CACNA2D1: variants seen among roughly 807,000 people sequenced by gnomAD.
CACNA2D1 encodes calcium voltage-gated channel auxiliary subunit alpha2delta 1.
Under a neutral mutation model 171.5 loss-of-function variants are expected in CACNA2D1, and 53 were observed. The observed-to-expected ratio is 0.31, with a 90% confidence interval of 0.25 to 0.39. The LOEUF is 0.39. Ranked by LOEUF, CACNA2D1 falls within the 10% of genes least tolerant of loss-of-function variation. The probability of loss-of-function intolerance (pLI) is 1.00; values close to 1 mark genes in which losing one functional copy is unlikely to be tolerated. For synonymous variants in CACNA2D1, 442 were observed against 443.1 expected (o/e 1.00, Z 0.03); for missense variants, 903 against 1,299.8 (o/e 0.69, Z 4.69).
At chr7:82,161,822 A>G (rs1291418988) in intron 4 of CACNA2D1, among the ~76,000 whole-genome samples, 1 of 152,074 alleles carries the variant, frequency 6.6e-6, no homozygotes, top group East Asian at 1.9e-4. Context: ...TGTAAATCCA[A>G]CAATATGGAT....
rs1427434749 is a variant in CACNA2D1 at position 82,256,992 on chromosome 7, G to C, written c.294+78143C>G. On this transcript the variant is annotated intron_variant, in intron 3 of 38. Coordinates refer to ENST00000356860, the MANE Select transcript of CACNA2D1 (RefSeq NM_000722.4). ...ATGTGCTGAGATTTCATTAGAGATG[G>C]TATCAATGGTGAGGATGGCAGGAAC... 2.0e-5 allele frequency among the ~76,000 whole-genome samples: 3 copies of C among 152,106 alleles called. No homozygotes were observed. In the South Asian group the frequency reaches 6.2e-4, roughly 32 times the overall value.
At chr7:82,036,575 C>G (rs981131940) in intron 11 of CACNA2D1, among the ~76,000 whole-genome samples, 2 of 152,144 alleles carry the variant, frequency 1.3e-5, no homozygotes, top group African/African-American at 2.4e-5. Flanking sequence ...CCAGGGAACA[C>G]GCTAAATATC....
intron 6 of CACNA2D1, among the ~76,000 whole-genome samples, chr7:82,102,647 G>T (rs898449784): frequency 6.6e-6 from 1 of 152,082 alleles, no homozygotes; most frequent in African/African-American, 2.4e-5. Context: ...TTCATTCAAC[G>T]AAGGAACTTA....
chr7:82,090,591 A>C (rs1233227879), intron 6 of CACNA2D1, among the ~76,000 whole-genome samples: 1 of 152,054 alleles, frequency 6.6e-6, no homozygotes, highest in Non-Finnish European at 1.5e-5. Flanking sequence ...TTTATATTTA[A>C]GACAGTATAT....
At chr7:82,135,270 A>G (rs1193500261) in intron 5 of CACNA2D1, among the ~76,000 whole-genome samples, 1 of 152,058 alleles carries the variant, frequency 6.6e-6, no homozygotes, top group Non-Finnish European at 1.5e-5. Context: ...ATATTTTTAA[A>G]TAAGTTTAAA....
intron 1 of CACNA2D1, chr7:82,410,378 A>G (rs1301064948): frequency 1.3e-5 from 4 of 315,976 alleles, no homozygotes; most frequent in Non-Finnish European, 1.8e-5. Context: ...CGGTTTACCT[A>G]ATCCATTTTT....
chr7:82,358,533 C>G (rs919687260), intron 1 of CACNA2D1, among the ~76,000 whole-genome samples: 1 of 152,086 alleles, frequency 6.6e-6, no homozygotes, highest in Non-Finnish European at 1.5e-5. Context: ...CCATTTTTGA[C>G]TAGAGTAATC....
At chr7:81,985,101 G>GAC (rs2130671689) in intron 21 of CACNA2D1, among the ~76,000 whole-genome samples, 1 of 151,614 alleles carries the variant, frequency 6.6e-6, no homozygotes, top group Non-Finnish European at 1.5e-5. Context: ...ATACCATTTG[G>GAC]ACACACTTCC....
At position 82,164,468 on chromosome 7, in the gene CACNA2D1, A is replaced by T. The variant is rs113071885; in HGVS notation, c.354+6082T>A. Among the ~76,000 whole-genome samples, 576 of 152,152 alleles carry T rather than the reference A, an allele frequency of 3.8e-3. 6 individuals are homozygous for T. Among genetic ancestry groups the T allele is most frequent in the African/African-American group, 0.013 (543 of 41,550 alleles). ...ATTGGTTGATCAAAAATATGAAGAA[A>T]TTGGAGAAAGAAGAAATTTCTAGGC... On this transcript the variant is annotated intron_variant, in intron 4 of 38. Coordinates refer to ENST00000356860, the MANE Select transcript of CACNA2D1 (RefSeq NM_000722.4).
chr7:82,318,379 TA>T (rs1464620226), intron 3 of CACNA2D1, among the ~76,000 whole-genome samples: 1 of 152,094 alleles, frequency 6.6e-6, no homozygotes, highest in East Asian at 1.9e-4. Flanking sequence ...CACTTATGAG[TA>T]TAAAAGCCCC....
intron 3 of CACNA2D1, among the ~76,000 whole-genome samples, chr7:82,304,216 A>C (rs568685784): frequency 6.6e-6 from 1 of 152,286 alleles, no homozygotes; most frequent in Admixed American, 6.5e-5. Context: ...AATGTAGAGA[A>C]AAGAGAACTC....
chr7:82,275,030 ATT>A, intron 3 of CACNA2D1, among the ~76,000 whole-genome samples: 1 of 152,060 alleles, frequency 6.6e-6, no homozygotes, highest in South Asian at 2.1e-4. Flanking sequence ...CTGAGTGAAA[ATT>A]ATTTGCTCAT....
chr7:82,346,626 A>T (rs1326547063), intron 2 of CACNA2D1, among the ~76,000 whole-genome samples: 1 of 152,158 alleles, frequency 6.6e-6, no homozygotes, highest in Non-Finnish European at 1.5e-5. Context: ...TGTGCTATCA[A>T]CAGAAATGGG....
intron 10 of CACNA2D1, among the ~76,000 whole-genome samples, chr7:82,057,480 TCAGGGTCC>T (rs1806063553): frequency 6.6e-6 from 1 of 151,996 alleles, no homozygotes; most frequent in Admixed American, 6.6e-5. Context: ...AGTGCTCCTA[TCAGGGTCC>T]CAGAAAGAAT....
intron 6 of CACNA2D1, among the ~76,000 whole-genome samples, chr7:82,092,713 A>G (rs1395263526): frequency 3.3e-5 from 5 of 151,786 alleles, no homozygotes; most frequent in Admixed American, 3.3e-4. Flanking sequence ...CATTTTTATG[A>G]GAAATTTTAG....
chr7:82,238,048 T>C (rs776023595), intron 3 of CACNA2D1, among the ~76,000 whole-genome samples: 7 of 151,990 alleles, frequency 4.6e-5, no homozygotes, highest in Non-Finnish European at 8.8e-5. Flanking sequence ...ATCTTACATG[T>C]TAAATAAAAT....
At position 82,105,398 on chromosome 7, in the gene CACNA2D1, C is replaced by CTTTTTT. The variant is rs572031121; in HGVS notation, c.526+11640_526+11645dup. ...GAAAATTAATCAAACCAGTTTTTGT[C>CTTTTTT]TTTTTTTTTTTTTTTTTTTTTTTTA... On this transcript the variant is annotated intron_variant, in intron 6 of 38. Transcript: ENST00000356860. Among the ~76,000 whole-genome samples the CTTTTTT allele has an allele frequency of 1.9e-4, 19 of 99,472 alleles. 1 individual carries two copies. Among genetic ancestry groups the CTTTTTT allele is most frequent in the East Asian group, 6.6e-4 (2 of 3,028 alleles). 65.3% of individuals were successfully genotyped at this position (99,472 alleles called of 152,430 possible).
chr7:82,151,036 C>T (rs1011271267), intron 4 of CACNA2D1, among the ~76,000 whole-genome samples: 2 of 152,072 alleles, frequency 1.3e-5, no homozygotes, highest in Admixed American at 6.5e-5. Context: ...GATAACCTGT[C>T]TTTAGTTAAA....
intron 3 of CACNA2D1, among the ~76,000 whole-genome samples, chr7:82,309,339 G>C (rs1319294438): frequency 6.6e-6 from 1 of 152,046 alleles, no homozygotes; most frequent in Middle Eastern, 3.2e-3. Context: ...CTGGGAGGTG[G>C]GGGTTGCAGT....
Sources: allele counts gnomAD v4.1 joint callset (sites outside exome capture counted in the v4.1 genomes callset), GRCh38; gene constraint gnomAD v4.1.1; transcripts MANE v1.5; gene names NCBI Gene and HGNC (gene_info 2026-07-23, HGNC 2026-07-21).